Variants in NCAM2 observed in about 807,000 individuals in gnomAD.
The protein encoded by NCAM2 is N-CAM-2.
In NCAM2, 30 loss-of-function variants were observed where a neutral mutation model predicts 98.1. The ratio of observed to expected loss-of-function variants is 0.31; its 90% confidence interval spans 0.23 to 0.41. The LOEUF is 0.41. Ranked by LOEUF, NCAM2 falls within the 10% of genes least tolerant of loss-of-function variation. The probability of loss-of-function intolerance (pLI) is 1.00; values close to 1 mark genes in which losing one functional copy is unlikely to be tolerated. For synonymous variants in NCAM2, 368 were observed against 342.4 expected (o/e 1.07, Z -0.83); for missense variants, 867 against 1,005.8 (o/e 0.86, Z 1.87).
intron 1 of NCAM2, among the ~76,000 whole-genome samples, chr21:21,233,508 A>G (rs1232468984): frequency 6.6e-6 from 1 of 151,664 alleles, no homozygotes; most frequent in East Asian, 1.9e-4. Context: ...ATTTTAATCA[A>G]ATTAATTATT....
chr21:21,061,605 C>G, intron 1 of NCAM2, among the ~76,000 whole-genome samples: 1 of 151,034 alleles, frequency 6.6e-6, no homozygotes, highest in Non-Finnish European at 1.5e-5. Flanking sequence ...TGGAATCATA[C>G]AGCCTATTCT....
chr21:21,132,112 T>C (rs1490084111), intron 1 of NCAM2, among the ~76,000 whole-genome samples: 3 of 152,354 alleles, frequency 2.0e-5, no homozygotes, highest in Admixed American at 6.5e-5. Context: ...CGCATGCATT[T>C]GCTCATGGCC....
intron 12 of NCAM2, among the ~76,000 whole-genome samples, chr21:21,454,182 C>A (rs184116845): frequency 6.6e-6 from 1 of 152,118 alleles, no homozygotes; most frequent in East Asian, 1.9e-4. Context: ...ATTTTTCATG[C>A]ATTAAACAAC....
chr21:21,491,414 CTTTTG>C (rs1309857245), intron 15 of NCAM2, among the ~76,000 whole-genome samples: 2 of 151,670 alleles, frequency 1.3e-5, no homozygotes, highest in African/African-American at 4.8e-5. Flanking sequence ...TTGGTCATTT[CTTTTG>C]TTTTGGGCAC....
intron 12 of NCAM2, 86 bp downstream of exon 12, chr21:21,432,367 C>A: frequency 8.2e-7 from 1 of 1,223,226 alleles, no homozygotes; most frequent in Non-Finnish European, 1.1e-6. Context: ...TTTCCTCCAA[C>A]ATTTTCTTTT....
intron 4 of NCAM2, among the ~76,000 whole-genome samples, chr21:21,288,556 G>A (rs968091337): frequency 1.3e-5 from 2 of 151,614 alleles, no homozygotes; most frequent in African/African-American, 2.4e-5. Flanking sequence ...AGAATTTAAA[G>A]TATTCAAGTA....
Position 21,009,340 on chromosome 21 carries a change from A to G in NCAM2, c.55+10722A>G, listed in dbSNP as rs533861461. On this transcript the variant is annotated intron_variant, in intron 1 of 17. Coordinates refer to ENST00000400546, the MANE Select transcript of NCAM2 (RefSeq NM_004540.5). ...ATAGGAGATCTTCCATAAATATATG[A>G]ACGTCTATAAAATAATAAAGTCATA... 3.5e-3 allele frequency among the ~76,000 whole-genome samples: 534 copies of G among 152,226 alleles called. 6 individuals carry two copies. The highest frequency in any genetic ancestry group is 0.012 in the African/African-American group (510 of 41,566).
At chr21:21,133,860 A>G (rs1253373627) in intron 1 of NCAM2, among the ~76,000 whole-genome samples, 3 of 152,178 alleles carry the variant, frequency 2.0e-5, no homozygotes, top group Non-Finnish European at 1.5e-5. Context: ...CATAGAGAAA[A>G]CAATCCATCA....
intron 10 of NCAM2, among the ~76,000 whole-genome samples, chr21:21,411,069 T>TATATATATATATAC (rs1279301831): frequency 3.0e-5 from 1 of 32,796 alleles, no homozygotes; most frequent in Non-Finnish European, 5.9e-5. Context: ...TATATATATA[T>TATATATATATATAC]ACACACACAT....
At chr21:21,256,275 G>T (rs2071669106) in intron 1 of NCAM2, among the ~76,000 whole-genome samples, 1 of 152,114 alleles carries the variant, frequency 6.6e-6, no homozygotes, top group Admixed American at 6.6e-5. Context: ...AGACTCACTT[G>T]AACCTGGGAA....
At chr21:21,414,110 C>A (rs1039364362) in intron 10 of NCAM2, among the ~76,000 whole-genome samples, 1 of 152,136 alleles carries the variant, frequency 6.6e-6, no homozygotes, top group Non-Finnish European at 1.5e-5. Context: ...TTTATTTGCT[C>A]CTCCATGAAG....
intron 15 of NCAM2, among the ~76,000 whole-genome samples, chr21:21,486,485 G>A (rs1353690639): frequency 6.6e-6 from 1 of 151,814 alleles, no homozygotes; most frequent in African/African-American, 2.4e-5. Context: ...TAAATTTCTC[G>A]ATATTTGAGA....
At chr21:21,483,504 A>G (rs1174100833) in intron 15 of NCAM2, among the ~76,000 whole-genome samples, 1 of 152,110 alleles carries the variant, frequency 6.6e-6, no homozygotes, top group Non-Finnish European at 1.5e-5. Context: ...AGTTTCAAGC[A>G]ACACTAATAA....
intron 15 of NCAM2, among the ~76,000 whole-genome samples, chr21:21,506,901 A>G (rs1988014168): frequency 6.6e-6 from 1 of 152,128 alleles, no homozygotes; most frequent in African/African-American, 2.4e-5. Flanking sequence ...CTTGGACATG[A>G]GCATTCTAAA....
At chr21:21,232,719 T>G (rs1407228504) in intron 1 of NCAM2, among the ~76,000 whole-genome samples, 1 of 151,718 alleles carries the variant, frequency 6.6e-6, no homozygotes, top group Admixed American at 6.6e-5. Context: ...TCAAAATATT[T>G]TAGCTTTTAA....
chr21:21,425,203 A>T (rs1203528872), intron 11 of NCAM2, among the ~76,000 whole-genome samples: 1 of 152,092 alleles, frequency 6.6e-6, no homozygotes, highest in Non-Finnish European at 1.5e-5. Flanking sequence ...ATAGAATAAA[A>T]TGTACGTATG....
At chr21:21,403,939 T>C (rs148311330) in intron 9 of NCAM2, among the ~76,000 whole-genome samples, 75 of 152,244 alleles carry the variant, frequency 4.9e-4, no homozygotes, top group African/African-American at 1.7e-3. Context: ...TTTAGAAATT[T>C]AAATAAAAAT....
chr21:21,298,362 G>A (rs2073569762), intron 5 of NCAM2, among the ~76,000 whole-genome samples: 2 of 126,004 alleles, frequency 1.6e-5, no homozygotes, highest in South Asian at 2.8e-4. Context: ...TTGTAACAAT[G>A]TTATATAATA....
At chr21:21,246,361 G>A (rs1439498055) in intron 1 of NCAM2, among the ~76,000 whole-genome samples, 2 of 152,068 alleles carry the variant, frequency 1.3e-5, no homozygotes, top group East Asian at 3.9e-4. Flanking sequence ...TGTTGTTTTA[G>A]GTGATTATTT....
Sources: gnomAD v4.1 joint callset for allele counts (sites outside exome capture counted in the v4.1 genomes callset) on GRCh38, gnomAD v4.1.1 for gene constraint, MANE v1.5 for transcripts, NCBI Gene and HGNC (gene_info 2026-07-23, HGNC 2026-07-21) for gene names.